MACF1: variants seen among roughly 807,000 people sequenced by gnomAD.
The protein encoded by MACF1 is microtubule-actin cross-linking factor 1.
Under a neutral mutation model 854.8 loss-of-function variants are expected in MACF1, and 193 were observed. The observed-to-expected ratio is 0.23, with a 90% CI of 0.20 to 0.25. The LOEUF is 0.25. Ranked by LOEUF, MACF1 falls within the 10% of genes least tolerant of loss-of-function variation. MACF1 has a pLI of 1.00. For missense variants in MACF1, 7,722 were observed against 8,929.1 expected, an observed-to-expected ratio of 0.86 and a Z score of 5.45; for synonymous variants, 3,185 against 3,226.7, an observed-to-expected ratio of 0.99 and a Z score of 0.44.
chr1:39,464,277 T>C (rs1644616091), intron 94 of MACF1: 1 of 152,822 alleles, frequency 6.5e-6, no homozygotes, highest in African/African-American at 2.4e-5. Context: ...TCCTAAAATA[T>C]ATCAACAGCT....
intron 58 of MACF1, among the ~76,000 whole-genome samples, chr1:39,415,446 C>T (rs1052504846): frequency 1.3e-5 from 2 of 150,354 alleles, no homozygotes; most frequent in African/African-American, 4.9e-5. Flanking sequence ...CGCCATTCTC[C>T]TGCCTCAGCC....
rs1646793763 is a variant in MACF1, at chr1:39,335,374, G to A, written c.8786G>A (p.Cys2929Tyr). 2 of 1,613,900 alleles carry A rather than the reference G, an allele frequency of 1.2e-6. No individual in the cohort carries two copies. The highest frequency in any genetic ancestry group is 4.5e-5 in the East Asian group (2 of 44,874). Residue 2929 changes from cysteine (C) to tyrosine (Y), a missense_variant, in exon 37 of 101, where the codon TGT becomes TAT. Cys to Tyr is a radical substitution (Grantham distance 194, BLOSUM62 -2). This residue lies in a region of MACF1 where 854 missense variants were observed against 852.6 expected (regional missense o/e 1.00). Transcript: ENST00000564288. Reference protein sequence around the residue: ...IISHMKQSTSCLDSEEIRENQ... With the variant: ...IISHMKQSTSYLDSEEIRENQ... ...TCTCATATGAAGCAGTCTACCTCAT[G>A]TCTAGATTCTGAAGAAATAAGAGAA...
intron 64 of MACF1, 106 bp from the exon 65 acceptor site, chr1:39,429,721 A>G: frequency 1.8e-6 from 2 of 1,089,140 alleles, no homozygotes; most frequent in East Asian, 4.7e-5. Context: ...CCACAGAGAG[A>G]GAGAGAGCGT....
chr1:39,321,986 A>G (rs1032293929), intron 31 of MACF1, among the ~76,000 whole-genome samples: 1 of 152,238 alleles, frequency 6.6e-6, no homozygotes, highest in African/African-American at 2.4e-5. Flanking sequence ...TTATAAGGCT[A>G]CTTCATGTGA....
intron 2 of MACF1, among the ~76,000 whole-genome samples, chr1:39,154,725 T>A (rs1643648734): frequency 6.6e-6 from 1 of 151,948 alleles, no homozygotes; most frequent in South Asian, 2.1e-4. Flanking sequence ...TAAGGGATTT[T>A]TTTTTTTTAA....
intron 2 of MACF1, among the ~76,000 whole-genome samples, chr1:39,152,892 A>G (rs1643612598): frequency 6.6e-6 from 1 of 150,988 alleles, no homozygotes; most frequent in Non-Finnish European, 1.5e-5. Context: ...CTATGTTTCT[A>G]GAGACTTGTT....
At position 39,386,709 on chromosome 1, in the gene MACF1, C is replaced by T. The variant is rs560533699; in HGVS notation, c.14345-478C>T. Among the ~76,000 whole-genome samples, 104 of 152,308 alleles carry T rather than the reference C, an allele frequency of 6.8e-4. 3 individuals carry two copies. The South Asian group carries it at 0.012, about 17-fold the overall frequency. On this transcript the variant is annotated intron_variant, in intron 57 of 100. Coordinates refer to ENST00000564288, the MANE Select transcript of MACF1 (RefSeq NM_001394062.1). ...CCTCCCAAAGTGCTGGGATTACAGG[C>T]GTGAGCCACCGCACCCAGTGATTAT...
intron 58 of MACF1, among the ~76,000 whole-genome samples, chr1:39,393,196 A>AAAAAAAAAAAAAAATATATATATATATAT: frequency 1.5e-5 from 1 of 66,564 alleles, no homozygotes; most frequent in African/African-American, 8.4e-5. Context: ...AAAAAAAAAA[A>AAAAAAAAAAAAAAATATATATATATATAT]ATATATATAT....
chr1:39,288,986 G>A (rs1003837695), intron 15 of MACF1, among the ~76,000 whole-genome samples: 3 of 152,260 alleles, frequency 2.0e-5, no homozygotes, highest in South Asian at 4.1e-4. Context: ...GTGAGAACAT[G>A]CATTGTTTGT....
chr1:39,300,526 A>G (rs915724611), intron 22 of MACF1, among the ~76,000 whole-genome samples, 164 bp downstream of exon 22: 1 of 151,452 alleles, frequency 6.6e-6, no homozygotes, highest in Non-Finnish European at 1.5e-5. Context: ...AAACTAAACT[A>G]AAAACTTCAA....
In MACF1 at chr1:39,324,224, T is replaced by G; in HGVS notation, c.4268T>G (p.Val1423Gly). 6.2e-7 allele frequency: 1 copy of G among 1,611,356 alleles called. No homozygotes were observed. The highest frequency in any genetic ancestry group is 8.5e-7 in the Non-Finnish European group (1 of 1,178,776). The change falls in exon 34 of 101, where the codon GTG becomes GGG. Residue 1423 changes from valine to glycine, a missense_variant. By Grantham distance (109) the Val-to-Gly change is moderately radical. Transcript: ENST00000564288. ...KVVEEEKQEH[V>G]EKVKELLGWV... ...GTAGAAGAGGAGAAACAAGAACATGTGGAGAAGGTTAAAGAACTTTTGGGC... is the reference window on the plus strand; with the variant it reads ...GTAGAAGAGGAGAAACAAGAACATGGGGAGAAGGTTAAAGAACTTTTGGGC...
At chr1:39,422,284 C>A in intron 58 of MACF1, 90 bp from the exon 59 acceptor site, 1 of 993,070 alleles carries the variant, frequency 1.0e-6, no homozygotes, top group Non-Finnish European at 1.5e-6. Context: ...TTCATTAAGT[C>A]ATAAATGCCC....
chr1:39,150,328 T>C (rs992652314), intron 2 of MACF1, among the ~76,000 whole-genome samples: 1 of 152,180 alleles, frequency 6.6e-6, no homozygotes, highest in African/African-American at 2.4e-5. Flanking sequence ...ATAAACTCTT[T>C]TTTGTCTCTC....
At chr1:39,475,951 A>AG (rs1644872908) in intron 97 of MACF1, among the ~76,000 whole-genome samples, 1 of 152,146 alleles carries the variant, frequency 6.6e-6, no homozygotes, top group Admixed American at 6.5e-5. Context: ...GCAAGGGAGC[A>AG]GGCGTCCTTG....
chr1:39,327,160 CAG>C (rs1646630877), intron 35 of MACF1, 56 bp from the exon 36 acceptor site: 1 of 1,476,710 alleles, frequency 6.8e-7, no homozygotes, highest in Non-Finnish European at 9.1e-7. Flanking sequence ...AGCAATAGAG[CAG>C]AGTTTGGAGA....
At chr1:39,463,715 TGTG>T in intron 94 of MACF1, 29 bp downstream of exon 94, 1 of 1,597,526 alleles carries the variant, frequency 6.3e-7, no homozygotes, top group Non-Finnish European at 8.6e-7. Flanking sequence ...AGTCCTTTGT[TGTG>T]GTGGTTTCTC....
chr1:39,470,171 C>A (rs935160128), intron 97 of MACF1, among the ~76,000 whole-genome samples: 5 of 152,176 alleles, frequency 3.3e-5, no homozygotes, highest in African/African-American at 1.2e-4. Flanking sequence ...CAGTACATAA[C>A]TTCTTTGGAA....
At position 39,332,054 on chromosome 1, in the gene MACF1, A is replaced by T. The variant is rs1274683731; in HGVS notation, c.5466A>T (p.Leu1822=). The T allele has an allele frequency of 3.1e-6, 5 of 1,613,996 alleles. No individual in the cohort carries two copies. Among genetic ancestry groups the T allele is most frequent in the Non-Finnish European group, 4.2e-6 (5 of 1,180,010 alleles). The change falls in exon 37 of 101, where the codon CTA becomes CTT. Residue 1822 remains leucine, a synonymous_variant. Coordinates refer to ENST00000564288, the MANE Select transcript of MACF1 (RefSeq NM_001394062.1). ...TAGACACTGTCACGGGGCAAAGGCT[A>T]ACAATAGATGAAGCAGTGAGCAATG... ...GIIDTVTGQR[L]TIDEAVSNDL...
chr1:39,463,555 C>A, intron 93 of MACF1, 57 bp from the exon 94 acceptor site: 1 of 1,230,476 alleles, frequency 8.1e-7, no homozygotes, highest in Non-Finnish European at 1.2e-6. Flanking sequence ...CTTTGTTTCT[C>A]TGAATAGGAA....
Sources: gnomAD v4.1 joint callset for allele counts (sites outside exome capture counted in the v4.1 genomes callset) on GRCh38, gnomAD v4.1.1 for gene constraint, gnomAD v4.1.1 regional missense constraint, MANE v1.5 for transcripts, NCBI Gene and HGNC (gene_info 2026-07-23, HGNC 2026-07-21) for gene names.